CDH23: variants seen among roughly 807,000 people sequenced by gnomAD.
CDH23 encodes the protein cadherin-23.
In CDH23, 189 loss-of-function variants were observed where a neutral mutation model predicts 317.1. The ratio of observed to expected loss-of-function variants is 0.60; its 90% CI spans 0.53 to 0.67. CDH23 has a LOEUF of 0.67. Ranked by LOEUF, CDH23 falls within the 30% of genes least tolerant of loss-of-function variation. The pLI, the probability that CDH23 is intolerant of heterozygous loss-of-function variation, is 0.00. For missense variants in CDH23, 4,401 were observed against 4,592.4 expected (o/e 0.96, Z 1.20); for synonymous variants, 1,839 against 1,876.8 (o/e 0.98, Z 0.52).
rs149617098 is a variant in CDH23 at position 71,804,373 on chromosome 10, G to A, written c.7872+953G>A. 4.1e-4 allele frequency among the ~76,000 whole-genome samples: 63 copies of A among 152,318 alleles called. 3 individuals carry two copies. Among genetic ancestry groups the A allele is most frequent in the African/African-American group, 1.4e-3 (59 of 41,560 alleles). On this transcript the variant is annotated intron_variant, in intron 55 of 69. Transcript: ENST00000224721. ...AAATTGCCATATAAAGATAGGGGAA[G>A]TATTCCTTTGTCTTCTGCTCTCCCC...
At chr10:71,403,408 TCTTCCTTCCTTC>T (rs1176829681) in intron 1 of CDH23, among the ~76,000 whole-genome samples, 9 of 57,106 alleles carry the variant, frequency 1.6e-4, no homozygotes, top group South Asian at 7.6e-4. Flanking sequence ...TCTTTCTTTC[TCTTCCTTCCTTC>T]CTTCCTTCCT....
rs767750411 is a variant in CDH23, at chr10:71,617,349, G to A, written c.1090G>A (p.Gly364Ser). The change falls in exon 11 of 70, where the codon GGC becomes AGC. Residue 364 changes from glycine (G) to serine (S), a missense_variant. Gly to Ser is a moderately conservative substitution (Grantham distance 56). Transcript: ENST00000224721. ...GGCCATCACTGAGCTGGCACAGGTC[G>A]GCTTTGCCCTTCCACTCTTCATCCA... ...SVAITELAQV[G>S]FALPLFIQVV... 1.4e-4 allele frequency: 234 copies of A among 1,613,894 alleles called. 3 individuals are homozygous for A. The South Asian group carries it at 2.3e-3, about 16-fold the overall frequency.
Position 71,740,595 on chromosome 10 carries a change from C to T in CDH23, c.4489-227C>T, listed in dbSNP as rs943735226. On this transcript the variant is annotated intron_variant, in intron 36 of 69. Transcript: ENST00000224721. Reference sequence around the variant, plus strand: ...CAAACGAGGATCCCAAGTCAGACGACGATTGGGCAAGAATCATTTGCAGCA... The same window carrying T: ...CAAACGAGGATCCCAAGTCAGACGATGATTGGGCAAGAATCATTTGCAGCA... Among the ~76,000 whole-genome samples the T allele has an allele frequency of 3.9e-5, 6 of 152,248 alleles. No homozygotes were observed. The South Asian group carries it at 6.2e-4, about 16-fold the overall frequency.
chr10:71,549,770 T>G (rs75586747), intron 6 of CDH23, among the ~76,000 whole-genome samples: 1,878 of 152,270 alleles, frequency 0.012, 32 homozygotes, highest in African/African-American at 0.042. Context: ...GGGCCTCACT[T>G]ACTGCCCCAG....
chr10:71,690,457 T>G lies in CDH23; in HGVS notation c.2060-11T>G. On this transcript the variant is annotated splice_polypyrimidine_tract_variant and intron_variant, in intron 19 of 69. Coordinates refer to ENST00000224721, the MANE Select transcript of CDH23 (RefSeq NM_022124.6). Reference sequence around the variant, plus strand: ...GCAGCACCCCCTGCCCCCACCTTTTTCCCCCTGAAGGAGCCACGGTGCTGT... The same window carrying G: ...GCAGCACCCCCTGCCCCCACCTTTTGCCCCCTGAAGGAGCCACGGTGCTGT... 2 of 1,580,042 alleles carry G rather than the reference T, an allele frequency of 1.3e-6. No homozygotes were observed. Among genetic ancestry groups the G allele is most frequent in the Non-Finnish European group, 8.6e-7 (1 of 1,161,428 alleles).
At chr10:71,494,426 G>T (rs1852840358) in intron 3 of CDH23, among the ~76,000 whole-genome samples, 1 of 152,170 alleles carries the variant, frequency 6.6e-6, no homozygotes, top group Non-Finnish European at 1.5e-5. Context: ...TGTATATGGG[G>T]TCAGGCAGTC....
intron 34 of CDH23, among the ~76,000 whole-genome samples, chr10:71,736,754 G>A (rs969714610): frequency 6.6e-6 from 1 of 152,212 alleles, no homozygotes; most frequent in African/African-American, 2.4e-5. Context: ...TCAGGTTACA[G>A]CAAGAAACCA....
intron 68 of CDH23, 141 bp from the exon 69 acceptor site, chr10:71,813,103 C>G: frequency 1.8e-6 from 2 of 1,103,640 alleles, no homozygotes; most frequent in Non-Finnish European, 2.6e-6. Context: ...TGGCCACTGT[C>G]TCCAGGCTCT....
At chr10:71,664,112 C>T (rs1169360129) in intron 14 of CDH23, among the ~76,000 whole-genome samples, 1 of 152,074 alleles carries the variant, frequency 6.6e-6, no homozygotes, top group African/African-American at 2.4e-5. Context: ...GGGAGCCCAA[C>T]ACCCCTCCTC....
intron 6 of CDH23, among the ~76,000 whole-genome samples, chr10:71,543,524 AC>A: frequency 6.6e-6 from 1 of 152,306 alleles, no homozygotes; most frequent in South Asian, 2.1e-4. Context: ...TTTCCTGTTC[AC>A]CCAGTTCCGC....
At chr10:71,808,080 G>T in intron 60 of CDH23, 73 bp downstream of exon 60, 3 of 1,533,214 alleles carry the variant, frequency 2.0e-6, no homozygotes, top group East Asian at 4.9e-5. Flanking sequence ...CATCTGGGGG[G>T]AGATGGGGTC....
intron 27 of CDH23, chr10:71,712,365 C>T (rs1589361339): frequency 6.4e-6 from 2 of 312,226 alleles, no homozygotes; most frequent in East Asian, 1.1e-4. Context: ...TCATTCAATC[C>T]ACTTGAGTGC....
chr10:71,788,820 T>A, intron 44 of CDH23, 120 bp from the exon 45 acceptor site: 2 of 652,978 alleles, frequency 3.1e-6, no homozygotes, highest in Non-Finnish European at 2.8e-6. Flanking sequence ...CATGTTGGTG[T>A]GGGCTTTTCT....
intron 20 of CDH23, among the ~76,000 whole-genome samples, chr10:71,692,429 C>T (rs1865219682): frequency 6.6e-6 from 1 of 152,214 alleles, no homozygotes; most frequent in African/African-American, 2.4e-5. Context: ...AGGGCTGCTC[C>T]ACAGAGGTGG....
At position 71,709,210 on chromosome 10, in the gene CDH23, C is replaced by T. The variant is rs778002868; in HGVS notation, c.3219C>T (p.Ile1073=). 21 of 1,613,114 alleles carry T rather than the reference C, an allele frequency of 1.3e-5. No homozygotes were observed. Among genetic ancestry groups the T allele is most frequent in the Middle Eastern group, 1.7e-4 (1 of 6,060 alleles). ...TAAYMLILEA[I]DNGPVGKRHT... ...CCTACATGCTCATCCTGGAGGCCAT[C>T]GGTATGCACCAGTCCCGCACCCACC... is the stretch of plus-strand genomic sequence containing the variant. Residue 1073 remains isoleucine (I), a splice_region_variant and synonymous_variant, in exon 27 of 70, where the codon ATC becomes ATT. Transcript: ENST00000224721.
At chr10:71,745,687 G>A (rs1311502831) in intron 38 of CDH23, among the ~76,000 whole-genome samples, 1 of 152,322 alleles carries the variant, frequency 6.6e-6, no homozygotes, top group South Asian at 2.1e-4. Context: ...AACCCCTCAG[G>A]GTTATGAATA....
chr10:71,528,485 C>T (rs925067214), intron 6 of CDH23, among the ~76,000 whole-genome samples: 8 of 152,330 alleles, frequency 5.3e-5, no homozygotes, highest in South Asian at 4.1e-4. Flanking sequence ...CCCTTCTGCA[C>T]GGCTGGCCTT....
At chr10:71,553,851 A>T (rs569727190) in intron 6 of CDH23, among the ~76,000 whole-genome samples, 153 of 152,306 alleles carry the variant, frequency 1.0e-3, no homozygotes, top group African/African-American at 3.4e-3. Context: ...GCACACCCAG[A>T]GTGGTCCCCT....
In CDH23 at chr10:71,686,775, AGTGGGCT is replaced by A. The variant is rs540364172; in HGVS notation, c.1987-870_1987-864del. ...GGAAAGGGGAGAAGGTCATGAGCCA[AGTGGGCT>A]GGGGAGGCTTCCTCCAAGAGGGAAG... On this transcript the variant is annotated intron_variant, in intron 18 of 69. Coordinates refer to ENST00000224721, the MANE Select transcript of CDH23 (RefSeq NM_022124.6). 3.0e-4 allele frequency among the ~76,000 whole-genome samples: 46 copies of A among 152,272 alleles called. 1 individual carries two copies. In the South Asian group the frequency reaches 9.3e-3, roughly 31 times the overall value.
Sources: gnomAD v4.1 joint callset for allele counts (sites outside exome capture counted in the v4.1 genomes callset) on GRCh38, gnomAD v4.1.1 for gene constraint, MANE v1.5 for transcripts, NCBI Gene and HGNC (gene_info 2026-07-23, HGNC 2026-07-21) for gene names.